FAM184B: variants seen among roughly 807,000 people sequenced by gnomAD.
The protein encoded by FAM184B is family with sequence similarity 184 member B, also known as protein FAM184B.
Under a neutral mutation model 135.9 loss-of-function variants are expected in FAM184B, and 111 were observed. The observed-to-expected ratio is 0.82, with a 90% CI of 0.70 to 0.96. FAM184B has a LOEUF of 0.96. Ranked by LOEUF, FAM184B falls within the 40% of genes least tolerant of loss-of-function variation. The pLI is 0.00. For missense variants in FAM184B, 1,375 were observed against 1,323.9 expected (o/e 1.04, Z -0.60); for synonymous variants, 552 against 524.8 (o/e 1.05, Z -0.71).
intron 1 of FAM184B, among the ~76,000 whole-genome samples, chr4:17,742,168 A>ATTT (rs869228150): frequency 5.5e-5 from 6 of 109,296 alleles, no homozygotes; most frequent in African/African-American, 2.9e-4. Flanking sequence ...ATATATATAT[A>ATTT]TTTTTTTTTT....
At chr4:17,678,773 A>G (rs184428126) in intron 7 of FAM184B, among the ~76,000 whole-genome samples, 1 of 152,364 alleles carries the variant, frequency 6.6e-6, no homozygotes, top group African/African-American at 2.4e-5. Context: ...ACCTGACTTC[A>G]AACTATACTA....
At position 17,705,949 on chromosome 4, in the gene FAM184B, A is replaced by C. The variant is rs1717106768; in HGVS notation, c.1031-58T>G. ...GCTCTTGGCCATGGCCTCTTGTTCA[A>C]GGCTTTCTGCTGTCAGGCCCCCGTT... is the stretch of plus-strand genomic sequence containing the variant. On this transcript the variant is annotated intron_variant, in intron 3 of 17. Coordinates refer to ENST00000265018, the MANE Select transcript of FAM184B (RefSeq NM_015688.2). The C allele has an allele frequency of 1.5e-5, 23 of 1,545,484 alleles. No homozygotes were observed. In the East Asian group the frequency reaches 4.4e-4, roughly 30 times the overall value.
intron 10 of FAM184B, among the ~76,000 whole-genome samples, chr4:17,655,231 G>C (rs1470466324): frequency 6.6e-6 from 1 of 152,196 alleles, no homozygotes; most frequent in Non-Finnish European, 1.5e-5. Context: ...GCAAGGCTCA[G>C]AGAACACCAA....
At chr4:17,735,290 C>T (rs1453037206) in intron 1 of FAM184B, among the ~76,000 whole-genome samples, 5 of 151,558 alleles carry the variant, frequency 3.3e-5, no homozygotes, top group African/African-American at 9.7e-5. Context: ...ATGTAACAAA[C>T]CTGCACATTG....
chr4:17,706,699 T>C (rs1717126820), intron 3 of FAM184B, among the ~76,000 whole-genome samples: 1 of 152,212 alleles, frequency 6.6e-6, no homozygotes, highest in South Asian at 2.1e-4. Flanking sequence ...CTGGGCGTGG[T>C]GGCTAACGCC....
intron 1 of FAM184B, among the ~76,000 whole-genome samples, chr4:17,758,796 A>G (rs1294396409): frequency 6.6e-6 from 1 of 152,194 alleles, no homozygotes; most frequent in Non-Finnish European, 1.5e-5. Context: ...TGCAGTTGCA[A>G]AGCACTGGCA....
Position 17,705,188 on chromosome 4 carries a change from C to T in FAM184B, c.1189G>A (p.Ala397Thr). 1 of 1,551,682 alleles carries T rather than the reference C, an allele frequency of 6.4e-7. No homozygotes were observed. Among genetic ancestry groups the T allele is most frequent in the Non-Finnish European group, 8.7e-7 (1 of 1,146,992 alleles). Residue 397 changes from alanine to threonine, a missense_variant, in exon 5 of 18, where the codon GCT becomes ACT. Ala to Thr is a moderately conservative substitution (Grantham distance 58, BLOSUM62 0). Coordinates refer to ENST00000265018, the MANE Select transcript of FAM184B (RefSeq NM_015688.2). ...TDMQTKKEAS[A>T]ETEYMKQQYE... ...TGTTGCTTCATATATTCTGTCTCAG[C>T]ACTTGCCTCTTTCTTGGTCTATAAA...
At chr4:17,700,465 T>C (rs1716960212) in intron 5 of FAM184B, among the ~76,000 whole-genome samples, 1 of 152,120 alleles carries the variant, frequency 6.6e-6, no homozygotes, top group South Asian at 2.1e-4. Flanking sequence ...TAAATGTATA[T>C]GCACAAATAA....
intron 1 of FAM184B, among the ~76,000 whole-genome samples, chr4:17,780,296 G>T (rs538837338): frequency 2.6e-4 from 39 of 152,296 alleles, no homozygotes; most frequent in African/African-American, 9.4e-4. Flanking sequence ...TCCCTGGCGG[G>T]CATGGCACCA....
chr4:17,634,912 GAGCGT>G (rs2108925768), intron 16 of FAM184B, 92 bp downstream of exon 16: 1 of 695,736 alleles, frequency 1.4e-6, no homozygotes, highest in African/African-American at 1.8e-5. Context: ...ATATTTTTCT[GAGCGT>G]ACACCAGCCC....
intron 11 of FAM184B, among the ~76,000 whole-genome samples, chr4:17,648,044 G>A (rs1715515130): frequency 6.6e-6 from 1 of 152,118 alleles, no homozygotes. Flanking sequence ...TTTAGGATGA[G>A]GGACCTGAGC....
At chr4:17,708,428 T>A (rs1234917122) in intron 2 of FAM184B, among the ~76,000 whole-genome samples, 1 of 151,642 alleles carries the variant, frequency 6.6e-6, no homozygotes, top group East Asian at 1.9e-4. Context: ...GCGGATCACC[T>A]GAGGTCAGGA....
chr4:17,719,925 G>A (rs1717479944), intron 1 of FAM184B, among the ~76,000 whole-genome samples: 1 of 152,158 alleles, frequency 6.6e-6, no homozygotes, highest in Non-Finnish European at 1.5e-5. Flanking sequence ...TAGAGCTAAT[G>A]AATCACTCCC....
intron 1 of FAM184B, among the ~76,000 whole-genome samples, chr4:17,761,794 T>A (rs1444286102): frequency 6.6e-6 from 1 of 152,258 alleles, no homozygotes; most frequent in Non-Finnish European, 1.5e-5. Flanking sequence ...GTGCTGGGAT[T>A]ACAGGCATGA....
intron 14 of FAM184B, among the ~76,000 whole-genome samples, chr4:17,638,291 C>G (rs1044896742): frequency 6.6e-6 from 1 of 151,684 alleles, no homozygotes; most frequent in Non-Finnish European, 1.5e-5. Context: ...TGAGCTCAGA[C>G]GATCCTCCCG....
At chr4:17,744,570 C>T (rs1245727437) in intron 1 of FAM184B, among the ~76,000 whole-genome samples, 5 of 151,804 alleles carry the variant, frequency 3.3e-5, no homozygotes, top group Admixed American at 3.3e-4. Context: ...AGTTGCTCCT[C>T]CCATGTAACA....
intron 10 of FAM184B, among the ~76,000 whole-genome samples, chr4:17,657,655 CTTTTT>C (rs58666074): frequency 1.7e-5 from 2 of 114,468 alleles, no homozygotes; most frequent in African/African-American, 3.4e-5. Context: ...CTGAGCTGTT[CTTTTT>C]TTTTTTTTTT....
At chr4:17,672,478 T>G (rs908316500) in intron 7 of FAM184B, among the ~76,000 whole-genome samples, 4 of 152,208 alleles carry the variant, frequency 2.6e-5, no homozygotes, top group African/African-American at 9.6e-5. Flanking sequence ...CTTTTTCCCA[T>G]TCTACTGAAT....
chr4:17,730,787 C>G (rs1487077386), intron 1 of FAM184B, among the ~76,000 whole-genome samples: 2 of 152,230 alleles, frequency 1.3e-5, no homozygotes, highest in East Asian at 1.9e-4. Context: ...TCAAACTACT[C>G]TGAGCTACAG....
Sources: gnomAD v4.1 joint callset for allele counts (sites outside exome capture counted in the v4.1 genomes callset) on GRCh38, gnomAD v4.1.1 for gene constraint, MANE v1.5 for transcripts, NCBI Gene and HGNC (gene_info 2026-07-23, HGNC 2026-07-21) for gene names.